Variants in CACNB2 observed in about 807,000 individuals in gnomAD.
The protein encoded by CACNB2 is voltage-dependent L-type calcium channel subunit beta-2.
Under a neutral mutation model 73.3 loss-of-function variants are expected in CACNB2, and 42 were observed. That is an observed-to-expected ratio of 0.57 (90% CI 0.45 to 0.74). The LOEUF is 0.74. CACNB2 is among the 30% of genes least tolerant of loss of function. CACNB2 has a pLI of 0.00. For missense variants in CACNB2, 940 were observed against 853.0 expected (o/e 1.10, Z -1.27); for synonymous variants, 348 against 310.3 (o/e 1.12, Z -1.28).
intron 2 of CACNB2, among the ~76,000 whole-genome samples, chr10:18,239,212 AC>A (rs1424318817): frequency 6.6e-6 from 1 of 152,094 alleles, no homozygotes; most frequent in Non-Finnish European, 1.5e-5. Flanking sequence ...GTTTTGTTAC[AC>A]GGATATATTG....
chr10:18,411,289 G>A (rs2044612972), intron 3 of CACNB2, among the ~76,000 whole-genome samples: 1 of 152,090 alleles, frequency 6.6e-6, no homozygotes, highest in Admixed American at 6.6e-5. Flanking sequence ...GAAGCCCGCT[G>A]GACCTCTGTT....
chr10:18,522,833 G>A (rs568512363), intron 9 of CACNB2, among the ~76,000 whole-genome samples: 7 of 134,302 alleles, frequency 5.2e-5, no homozygotes, highest in South Asian at 4.8e-4. Context: ...AGCCGAGATC[G>A]TGCCACTGCC....
intron 2 of CACNB2, among the ~76,000 whole-genome samples, chr10:18,343,861 T>C (rs2041335166): frequency 6.6e-6 from 1 of 152,082 alleles, no homozygotes; most frequent in African/African-American, 2.4e-5. Context: ...AATATTTCAG[T>C]CTCTGCATAT....
chr10:18,509,201 C>T (rs1204545663), intron 6 of CACNB2, among the ~76,000 whole-genome samples: 2 of 152,230 alleles, frequency 1.3e-5, no homozygotes, highest in African/African-American at 4.8e-5. Flanking sequence ...CCCAATCCAC[C>T]TCCAGGCACA....
At chr10:18,426,474 T>C (rs1181077608) in intron 3 of CACNB2, among the ~76,000 whole-genome samples, 1 of 152,216 alleles carries the variant, frequency 6.6e-6, no homozygotes, top group Admixed American at 6.5e-5. Flanking sequence ...ATTAAATGCT[T>C]ATGAATTTTC....
At chr10:18,247,929 A>G (rs1338178584) in intron 2 of CACNB2, among the ~76,000 whole-genome samples, 2 of 152,166 alleles carry the variant, frequency 1.3e-5, no homozygotes, top group Admixed American at 6.5e-5. Flanking sequence ...CATAAATGGT[A>G]CCTTCTTACT....
At chr10:18,537,189 T>C (rs1484352011) in intron 12 of CACNB2, among the ~76,000 whole-genome samples, 1 of 152,046 alleles carries the variant, frequency 6.6e-6, no homozygotes, top group Non-Finnish European at 1.5e-5. Context: ...GGCTTTGCCA[T>C]GTTGCCCAGG....
intron 2 of CACNB2, among the ~76,000 whole-genome samples, chr10:18,274,285 G>C (rs2038182960): frequency 6.6e-6 from 1 of 152,156 alleles, no homozygotes; most frequent in Non-Finnish European, 1.5e-5. Flanking sequence ...AAAGTATCTT[G>C]CAAACTGTTC....
intron 2 of CACNB2, among the ~76,000 whole-genome samples, chr10:18,358,625 G>A (rs2132197757): frequency 6.6e-6 from 1 of 150,432 alleles, no homozygotes; most frequent in South Asian, 2.1e-4. Context: ...CAGGTACAAG[G>A]TGGCTGTGCT....
chr10:18,141,238 G>GCC, intron 1 of CACNB2: 1 of 492,972 alleles, frequency 2.0e-6, no homozygotes, highest in Non-Finnish European at 4.0e-6. Flanking sequence ...GGGCGGGAGG[G>GCC]GGCCCGCTTC....
chr10:18,317,571 T>C lies in CACNB2; in HGVS notation c.214-84353T>C, dbSNP rs190030452. ...GGCTGCAAAGGACATGATTTTATTC[T>C]TTTTTATGGCTGCATAGTATCCTGT... is the stretch of plus-strand genomic sequence containing the variant. On this transcript the variant is annotated intron_variant, in intron 2 of 13. Transcript: ENST00000324631. Among the ~76,000 whole-genome samples the C allele has an allele frequency of 6.3e-3, 958 of 152,330 alleles. 15 individuals are homozygous for C. The highest frequency in any genetic ancestry group is 0.02 in the African/African-American group (832 of 41,566).
At chr10:18,264,720 T>G (rs1385392978) in intron 2 of CACNB2, among the ~76,000 whole-genome samples, 2 of 152,256 alleles carry the variant, frequency 1.3e-5, no homozygotes, top group Non-Finnish European at 2.9e-5. Context: ...TGCTCACGGT[T>G]GTACAGTATT....
intron 3 of CACNB2, among the ~76,000 whole-genome samples, chr10:18,416,964 T>TA (rs2045005631): frequency 6.6e-6 from 1 of 151,552 alleles, no homozygotes; most frequent in East Asian, 1.9e-4. Context: ...TTTTTTTTTT[T>TA]AATGTTCTTT....
intron 2 of CACNB2, among the ~76,000 whole-genome samples, chr10:18,176,059 T>G (rs919373584): frequency 1.3e-5 from 2 of 152,234 alleles, no homozygotes; most frequent in Non-Finnish European, 2.9e-5. Context: ...GAATTCTGAA[T>G]GCAGCCTGTT....
chr10:18,540,852 T>C lies in CACNB2; in HGVS notation c.*1128T>C, dbSNP rs1252741685. 6.6e-6 allele frequency: 1 copy of C among 152,634 alleles called. No homozygotes were observed. The highest frequency in any genetic ancestry group is 2.4e-5 in the African/African-American group (1 of 41,444). 9.5% of individuals were successfully genotyped at this position (152,634 alleles called of 1,614,324 possible). ...CCCACCTCGCTCTGTATTTAATTAATTGTGCTATATGTTGCTTTAACAACC... is the reference window on the plus strand; with the variant it reads ...CCCACCTCGCTCTGTATTTAATTAACTGTGCTATATGTTGCTTTAACAACC... On this transcript the variant is annotated 3_prime_UTR_variant, in exon 14 of 14. Transcript: ENST00000324631.
At chr10:18,396,962 A>C (rs1570939) in intron 2 of CACNB2, among the ~76,000 whole-genome samples, 1 of 151,910 alleles carries the variant, frequency 6.6e-6, no homozygotes, top group African/African-American at 2.4e-5. Flanking sequence ...TGGCTTTAAG[A>C]CTTCATATAA....
At chr10:18,199,496 G>A (rs926832031) in intron 2 of CACNB2, among the ~76,000 whole-genome samples, 1 of 152,088 alleles carries the variant, frequency 6.6e-6, no homozygotes, top group African/African-American at 2.4e-5. Context: ...AAAAAGCCCT[G>A]GAGAGAAGTC....
intron 3 of CACNB2, among the ~76,000 whole-genome samples, chr10:18,448,001 T>G (rs1358582496): frequency 6.6e-6 from 1 of 152,054 alleles, no homozygotes; most frequent in Non-Finnish European, 1.5e-5. Context: ...TTCTTTTTGT[T>G]TTTTAATAGA....
chr10:18,261,673 T>A (rs1315918716), intron 2 of CACNB2, among the ~76,000 whole-genome samples: 1 of 152,056 alleles, frequency 6.6e-6, no homozygotes, highest in African/African-American at 2.4e-5. Context: ...AATGATGGGA[T>A]GGTGGGGGGA....
Sources: allele counts gnomAD v4.1 joint callset (sites outside exome capture counted in the v4.1 genomes callset), GRCh38; gene constraint gnomAD v4.1.1; transcripts MANE v1.5; gene names NCBI Gene and HGNC (gene_info 2026-07-23, HGNC 2026-07-21).